Variants in ACTN1 observed in about 807,000 individuals in gnomAD.
The protein encoded by ACTN1 is alpha-actinin-1.
Under a neutral mutation model 119.6 loss-of-function variants are expected in ACTN1, and 30 were observed. The observed-to-expected ratio is 0.25, with a 90% CI of 0.19 to 0.34. ACTN1 has a LOEUF of 0.34. Ranked by LOEUF, ACTN1 falls within the 10% of genes least tolerant of loss-of-function variation. ACTN1 has a pLI of 1.00. For synonymous variants in ACTN1, 429 were observed against 472.6 expected, an observed-to-expected ratio of 0.91 and a Z score of 1.20; for missense variants, 764 against 1,223.4, an observed-to-expected ratio of 0.62 and a Z score of 5.60.
chr14:68,913,414 G>A (rs761557300), intron 3 of ACTN1, among the ~76,000 whole-genome samples: 4 of 151,958 alleles, frequency 2.6e-5, no homozygotes, highest in Non-Finnish European at 5.9e-5. Flanking sequence ...TTTCCTACCT[G>A]CAACATTAAT....
Position 68,921,140 on chromosome 14 carries a change from A to T in ACTN1, c.221-15T>A, listed in dbSNP as rs374421286. ...CAAGCGTTCACCTGTTTGGATCAAGAGGGAGGAAGAGGAAGGTGAGACGCT... is the reference window on the plus strand; with the variant it reads ...CAAGCGTTCACCTGTTTGGATCAAGTGGGAGGAAGAGGAAGGTGAGACGCT... On this transcript the variant is annotated splice_polypyrimidine_tract_variant and intron_variant, in intron 2 of 21. Coordinates refer to ENST00000394419, the MANE Select transcript of ACTN1 (RefSeq NM_001130004.2). The T allele has an allele frequency of 6.2e-7, 1 of 1,613,628 alleles. No individual in the cohort carries two copies. The highest frequency in any genetic ancestry group is 1.1e-5 in the South Asian group (1 of 91,046).
chr14:68,916,947 C>T (rs1566634046), intron 3 of ACTN1, among the ~76,000 whole-genome samples: 1 of 152,160 alleles, frequency 6.6e-6, no homozygotes, highest in Admixed American at 6.5e-5. Context: ...GGGCCACCAC[C>T]TCCCAGACCA....
intron 1 of ACTN1, among the ~76,000 whole-genome samples, chr14:68,947,724 A>G (rs568895445): frequency 6.6e-6 from 1 of 152,320 alleles, no homozygotes; most frequent in Admixed American, 6.5e-5. Flanking sequence ...TGGAAAGAGA[A>G]GCTCTTATTT....
At position 68,971,065 on chromosome 14, in the gene ACTN1, C is replaced by T. The variant is rs78800467; in HGVS notation, c.105+7887G>A. 1.9e-3 allele frequency among the ~76,000 whole-genome samples: 284 copies of T among 152,328 alleles called. 2 individuals carry two copies. Among genetic ancestry groups the T allele is most frequent in the African/African-American group, 4.7e-3 (195 of 41,584 alleles). On this transcript the variant is annotated intron_variant, in intron 1 of 21. Coordinates refer to ENST00000394419, the MANE Select transcript of ACTN1 (RefSeq NM_001130004.2). The stretch of plus-strand genomic sequence containing the variant: ...TTATTTCAATTCCATATAAGCCTTG[C>T]CTCCCAATTCAAACATAAACTCCTT...
chr14:68,914,916 G>T (rs1180369338), intron 3 of ACTN1, among the ~76,000 whole-genome samples: 4 of 152,042 alleles, frequency 2.6e-5, no homozygotes, highest in African/African-American at 9.7e-5. Flanking sequence ...AATTAATCTG[G>T]GAAATAATTT....
chr14:68,952,479 T>C (rs1380604736), intron 1 of ACTN1, among the ~76,000 whole-genome samples: 1 of 152,232 alleles, frequency 6.6e-6, no homozygotes, highest in Non-Finnish European at 1.5e-5. Flanking sequence ...GGATGTCACA[T>C]GCAGTTTTCT....
Position 68,882,495 on chromosome 14 carries a change from G to A in ACTN1, c.1916C>T (p.Ala639Val), listed in dbSNP as rs2031640106. The change falls in exon 16 of 22, where the codon GCC becomes GTC. Residue 639 changes from alanine to valine, a missense_variant. Ala to Val is a moderately conservative substitution (Grantham distance 64). Coordinates refer to ENST00000394419, the MANE Select transcript of ACTN1 (RefSeq NM_001130004.2). This position sits in a 1 kb window ranked among gnomAD's most constrained non-coding sequence, Gnocchi z 4.5. ...ERLRKQFGAQANVIGPWIQTK... is the reference protein window; with the variant it reads ...ERLRKQFGAQVNVIGPWIQTK... ...CTGGATCCAGGGCCCGATGACATTG[G>A]CCTGGGCTCCAAACTGCTTGCGTAG... The A allele has an allele frequency of 1.9e-6, 3 of 1,614,174 alleles. No homozygotes were observed. The highest frequency in any genetic ancestry group is 1.7e-6 in the Non-Finnish European group (2 of 1,180,026).
chr14:68,921,815 A>G (rs2034668147), intron 2 of ACTN1, among the ~76,000 whole-genome samples: 1 of 152,066 alleles, frequency 6.6e-6, no homozygotes, highest in African/African-American at 2.4e-5. Flanking sequence ...TTCTTGTCCT[A>G]TTATGCTGCC....
chr14:68,884,920 G>A lies in ACTN1; in HGVS notation c.1386-37C>T, dbSNP rs750327821. 7.1e-6 allele frequency: 11 copies of A among 1,548,396 alleles called. No homozygotes were observed. In the South Asian group the frequency reaches 1.2e-4, roughly 17 times the overall value. The stretch of plus-strand genomic sequence containing the variant: ...AGAGACAAGGAAGTCAGGGGACCCA[G>A]GTTAATTTCATGGCCCATCTCCCTC... On this transcript the variant is annotated intron_variant, in intron 12 of 21. Transcript: ENST00000394419.
intron 3 of ACTN1, among the ~76,000 whole-genome samples, chr14:68,913,977 C>G (rs1176081840): frequency 6.6e-6 from 1 of 152,196 alleles, no homozygotes; most frequent in Non-Finnish European, 1.5e-5. Flanking sequence ...ACTCCCAACA[C>G]TTTGGGAGGC....
intron 1 of ACTN1, among the ~76,000 whole-genome samples, chr14:68,954,695 G>T (rs2036292443): frequency 6.6e-6 from 1 of 152,146 alleles, no homozygotes; most frequent in African/African-American, 2.4e-5. Flanking sequence ...ACTCCTGGGG[G>T]GTGAAATTAC....
intron 1 of ACTN1, among the ~76,000 whole-genome samples, chr14:68,973,483 C>T (rs917086424): frequency 8.5e-5 from 13 of 152,180 alleles, no homozygotes; most frequent in African/African-American, 2.9e-4. Context: ...GTTTGCTTCC[C>T]CTTCCGCCAT....
chr14:68,899,115 AC>A (rs1360454363), intron 8 of ACTN1, among the ~76,000 whole-genome samples: 1 of 114,388 alleles, frequency 8.7e-6, no homozygotes, highest in Non-Finnish European at 1.8e-5. Flanking sequence ...ACCCCTCCAC[AC>A]CACAACCACA....
rs1260612580 is a variant in ACTN1, at chr14:68,909,666, G to A, written c.516-270C>T. On this transcript the variant is annotated intron_variant, in intron 5 of 21. Transcript: ENST00000394419. The surrounding 1 kb of genome is among the most constrained non-coding windows in gnomAD (Gnocchi z 4.1). The stretch of plus-strand genomic sequence containing the variant: ...CCAAGGCCTATGGCCCTAGTCTGCT[G>A]TTCCAGAGCCCTGGGCTGGGACTTC... Among the ~76,000 whole-genome samples, 2 of 152,218 alleles carry A rather than the reference G, an allele frequency of 1.3e-5. No individual in the cohort carries two copies. Among genetic ancestry groups the A allele is most frequent in the African/African-American group, 2.4e-5 (1 of 41,452 alleles).
chr14:68,924,342 G>A (rs994610808), intron 2 of ACTN1, among the ~76,000 whole-genome samples: 1 of 152,144 alleles, frequency 6.6e-6, no homozygotes, highest in Non-Finnish European at 1.5e-5. Flanking sequence ...TAAAAAAAAA[G>A]GGCAGTTAGA....
rs2035801094 is a variant in ACTN1 at position 68,942,660 on chromosome 14, G to T, written c.106-16988C>A. ...GTTGATTACGCCGAATGTTGGTGGG[G>T]TTGAGGGATCCGGAAGCCCTCGTGC... On this transcript the variant is annotated intron_variant, in intron 1 of 21. Transcript: ENST00000394419. Among the ~76,000 whole-genome samples, 6 of 152,330 alleles carry T rather than the reference G, an allele frequency of 3.9e-5. No homozygotes were observed. The South Asian group carries it at 1.0e-3, about 26-fold the overall frequency.
intron 1 of ACTN1, among the ~76,000 whole-genome samples, chr14:68,931,952 G>A (rs2035239901): frequency 2.0e-5 from 3 of 152,018 alleles, no homozygotes; most frequent in South Asian, 4.2e-4. Flanking sequence ...TTATCACTCT[G>A]ACTCTATAAG....
At chr14:68,912,543 A>G (rs2034067717) in intron 3 of ACTN1, among the ~76,000 whole-genome samples, 1 of 151,864 alleles carries the variant, frequency 6.6e-6, no homozygotes, top group African/African-American at 2.4e-5. Context: ...CACCCGGCTA[A>G]TTTTTTCATT....
At chr14:68,977,662 A>T (rs2037104770) in intron 1 of ACTN1, 1 of 290,250 alleles carries the variant, frequency 3.4e-6, no homozygotes, top group Non-Finnish European at 6.8e-6. Flanking sequence ...TTTGGCTGAA[A>T]AAAAAAACTT....
Sources: allele counts gnomAD v4.1 joint callset (sites outside exome capture counted in the v4.1 genomes callset), GRCh38; gene constraint gnomAD v4.1.1; non-coding constraint Gnocchi (gnomAD v3.1); transcripts MANE v1.5; gene names NCBI Gene and HGNC (gene_info 2026-07-23, HGNC 2026-07-21).